Variants in ZNF273 observed in about 807,000 individuals in gnomAD.
ZNF273 encodes the protein zinc finger protein 273.
In ZNF273, 11 loss-of-function variants were observed where a neutral mutation model predicts 14.9. The observed-to-expected ratio is 0.74, with a 90% CI of 0.46 to 1.22. The LOEUF is 1.22. Ranked by LOEUF, ZNF273 falls within the 50% of genes most tolerant of loss-of-function variation. ZNF273 has a pLI of 0.00. For missense variants in ZNF273, 577 were observed against 660.6 expected (o/e 0.87, Z 1.39); for synonymous variants, 199 against 223.9 (o/e 0.89, Z 0.99).
At chr7:64,885,110 C>G (rs1261505356) in intron 1 of ZNF273, among the ~76,000 whole-genome samples, 2 of 152,206 alleles carry the variant, frequency 1.3e-5, no homozygotes, top group Non-Finnish European at 2.9e-5. Context: ...CTTGGTGGAC[C>G]AGGGGACCTT....
intron 1 of ZNF273, among the ~76,000 whole-genome samples, chr7:64,914,300 G>T (rs2863924): frequency 0.42 from 61,211 of 144,858 alleles, 13,163 homozygotes; most frequent in South Asian, 0.45. Flanking sequence ...GCCTCCCAAA[G>T]TGCTGGGATT....
intron 3 of ZNF273, among the ~76,000 whole-genome samples, chr7:64,919,856 C>T (rs1195424520): frequency 6.6e-6 from 1 of 150,704 alleles, no homozygotes; most frequent in Non-Finnish European, 1.5e-5. Flanking sequence ...ATCATGTGAT[C>T]TACAACAGCA....
At chr7:64,888,591 C>A in exon 2 of ZNF273, 3 of 985,866 alleles carry the variant, frequency 3.0e-6, no homozygotes, top group Non-Finnish European at 2.4e-6. Context: ...AGCACCTGCC[C>A]GCCCTCCACC....
chr7:64,925,400 T>TA (rs1207426388), intron 3 of ZNF273, among the ~76,000 whole-genome samples: 7 of 152,040 alleles, frequency 4.6e-5, no homozygotes, highest in African/African-American at 1.2e-4. Flanking sequence ...TTTAACCTGG[T>TA]AAAAAAAATT....
chr7:64,887,797 C>CTT (rs779641845), intron 1 of ZNF273, among the ~76,000 whole-genome samples: 5 of 143,590 alleles, frequency 3.5e-5, no homozygotes, highest in Admixed American at 7.0e-5. Context: ...CGTGCCCTGT[C>CTT]TTTTTTTTTT....
downstream of ZNF273, chr7:64,882,701 AG>A (rs1791303980): frequency 1.3e-5 from 2 of 152,484 alleles, no homozygotes; most frequent in Non-Finnish European, 2.9e-5. Context: ...GGAAACGTCA[AG>A]GGAAGGCCCA....
downstream of ZNF273, among the ~76,000 whole-genome samples, chr7:64,882,076 G>A (rs897055674): frequency 6.6e-6 from 1 of 152,158 alleles, no homozygotes; most frequent in Admixed American, 6.5e-5. Flanking sequence ...AGAAGGGGGA[G>A]CCCCTAAACG....
chr7:64,914,577 T>A (rs1179839285), intron 1 of ZNF273, among the ~76,000 whole-genome samples: 1 of 152,106 alleles, frequency 6.6e-6, no homozygotes, highest in Non-Finnish European at 1.5e-5. Flanking sequence ...CTGTTTGAGT[T>A]TGGTAGGAAC....
chr7:64,932,873 A>ATT (rs1232320688), downstream of ZNF273, among the ~76,000 whole-genome samples: 1 of 152,156 alleles, frequency 6.6e-6, no homozygotes, highest in African/African-American at 2.4e-5. Flanking sequence ...CACAGAATCT[A>ATT]TTTTTAAGTG....
intron 3 of ZNF273, among the ~76,000 whole-genome samples, chr7:64,894,944 A>G (rs1792275289): frequency 6.6e-6 from 1 of 151,042 alleles, no homozygotes; most frequent in Non-Finnish European, 1.5e-5. Flanking sequence ...CCTGGCCAAC[A>G]TAGTGAAACC....
At chr7:64,921,605 C>CCTTTTTT (rs1794451548) in intron 3 of ZNF273, among the ~76,000 whole-genome samples, 1 of 57,928 alleles carries the variant, frequency 1.7e-5, no homozygotes, top group African/African-American at 6.7e-5. Flanking sequence ...CATGCTAATG[C>CCTTTTTT]TTTTTTTTTT....
At chr7:64,934,562 A>G (rs564365070), downstream of ZNF273, among the ~76,000 whole-genome samples, 4 of 152,286 alleles carry the variant, frequency 2.6e-5, no homozygotes, top group East Asian at 1.9e-4. Context: ...CCATTTATTG[A>G]AGATAATGCC....
At chr7:64,879,877 C>G (rs1429535883), downstream of ZNF273, 3 of 152,242 alleles carry the variant, frequency 2.0e-5, no homozygotes, top group East Asian at 3.9e-4. Context: ...CTAAGGAAGC[C>G]CTACGGTGAG....
At chr7:64,884,889 C>T (rs1583954585) in intron 1 of ZNF273, among the ~76,000 whole-genome samples, 2 of 152,236 alleles carry the variant, frequency 1.3e-5, no homozygotes, top group African/African-American at 4.8e-5. Context: ...CAGTGATTGT[C>T]GCAGGCAGCA....
intron 1 of ZNF273, among the ~76,000 whole-genome samples, chr7:64,885,569 G>C (rs1002096264): frequency 9.9e-5 from 15 of 152,122 alleles, no homozygotes; most frequent in Non-Finnish European, 2.2e-4. Context: ...GGGTCACTTC[G>C]CACCTACACC....
At chr7:64,885,600 T>C (rs959241375) in intron 1 of ZNF273, among the ~76,000 whole-genome samples, 9 of 152,176 alleles carry the variant, frequency 5.9e-5, no homozygotes, top group African/African-American at 1.9e-4. Context: ...TAGGTCGCCC[T>C]GGGTTAATAC....
At chr7:64,908,228 T>C (rs1259832531) in intron 1 of ZNF273, among the ~76,000 whole-genome samples, 1 of 152,232 alleles carries the variant, frequency 6.6e-6, no homozygotes, top group Non-Finnish European at 1.5e-5. Flanking sequence ...TGCACTATTC[T>C]CCACTCATGG....
exon 3 of ZNF273, chr7:64,879,639 G>C (rs1791198672): frequency 6.6e-6 from 1 of 152,272 alleles, no homozygotes; most frequent in African/African-American, 2.4e-5. Context: ...AAGACAGTGA[G>C]CTTAAGGACA....
In ZNF273 at chr7:64,923,379, C is replaced by T. The variant is rs544223680; in HGVS notation, c.326-4275C>T. ...TTTTTTATACAGATTCTCATTCTTT[C>T]ACCCAGGTTGGAGTGCAGTGGCGTG... is the stretch of plus-strand genomic sequence containing the variant. On this transcript the variant is annotated intron_variant, in intron 3 of 3. Transcript: ENST00000476120. 4.0e-4 allele frequency: 182 copies of T among 455,280 alleles called. 1 individual carries two copies. The highest frequency in any genetic ancestry group is 2.8e-3 in the South Asian group (179 of 64,402). The allele number at this position is 455,280 out of a possible 1,614,324, so 28.2% of individuals were successfully genotyped here.
Sources: allele counts gnomAD v4.1 joint callset (sites outside exome capture counted in the v4.1 genomes callset), GRCh38; gene constraint gnomAD v4.1.1; transcripts MANE v1.5; gene names NCBI Gene and HGNC (gene_info 2026-07-23, HGNC 2026-07-21).